The following NCKAP5 variants were observed in gnomAD, a reference collection of about 807,000 sequenced individuals.
NCKAP5 encodes the protein NCK associated protein 5.
In NCKAP5, 92 loss-of-function variants were observed where a neutral mutation model predicts 167.0. The observed-to-expected ratio is 0.55, with a 90% CI of 0.47 to 0.66. The LOEUF (loss-of-function observed/expected upper bound fraction) is 0.66. NCKAP5 is among the 30% of genes least tolerant of loss of function. NCKAP5 has a pLI of 0.00. For synonymous variants in NCKAP5, 891 were observed against 877.4 expected, an observed-to-expected ratio of 1.02 and a Z score of -0.27; for missense variants, 2,378 against 2,315.0, an observed-to-expected ratio of 1.03 and a Z score of -0.56.
At chr2:133,454,141 T>C (rs1691709450) in intron 3 of NCKAP5, among the ~76,000 whole-genome samples, 1 of 152,058 alleles carries the variant, frequency 6.6e-6, no homozygotes, top group Admixed American at 6.6e-5. Flanking sequence ...GCTTATAAGC[T>C]TTAAAATGTT....
intron 15 of NCKAP5, among the ~76,000 whole-genome samples, chr2:132,779,184 T>G (rs1302008047): frequency 6.6e-6 from 1 of 152,196 alleles, no homozygotes; most frequent in Non-Finnish European, 1.5e-5. Context: ...AAGGACCCTG[T>G]GAAAGACTGC....
Position 133,049,341 on chromosome 2 carries a change from T to G in NCKAP5, c.342-55102A>C, listed in dbSNP as rs139378768. ...CGGGTGGATCCCGAGGTCAGGAGAT[T>G]GAGAGCATCCTGGCTAACACAGTGA... On this transcript the variant is annotated intron_variant, in intron 6 of 19. Coordinates refer to ENST00000409261, the MANE Select transcript of NCKAP5 (RefSeq NM_207363.3). Among the ~76,000 whole-genome samples, 19 of 151,870 alleles carry G rather than the reference T, an allele frequency of 1.3e-4. No homozygotes were observed. In the East Asian group the frequency reaches 3.7e-3, roughly 30 times the overall value.
intron 5 of NCKAP5, among the ~76,000 whole-genome samples, chr2:133,173,118 G>A (rs1477021290): frequency 6.6e-6 from 1 of 152,160 alleles, no homozygotes; most frequent in African/African-American, 2.4e-5. Flanking sequence ...GTGAGATTAT[G>A]TTTGATCTCT....
At chr2:133,126,115 A>G (rs2082396883) in intron 6 of NCKAP5, among the ~76,000 whole-genome samples, 1 of 152,058 alleles carries the variant, frequency 6.6e-6, no homozygotes, top group African/African-American at 2.4e-5. Flanking sequence ...GCCATGGACC[A>G]CCTCTCCTGA....
At chr2:133,640,518 A>G in the NCKAP5 span, among the ~76,000 whole-genome samples, 1 of 152,234 alleles carries the variant, frequency 6.6e-6, no homozygotes, top group Non-Finnish European at 1.5e-5. Flanking sequence ...CTCCTTTTAA[A>G]TAACGAAGCA....
At chr2:133,489,928 T>C (rs1681289588) in intron 3 of NCKAP5, among the ~76,000 whole-genome samples, 1 of 152,046 alleles carries the variant, frequency 6.6e-6, no homozygotes, top group African/African-American at 2.4e-5. Context: ...TGGATCAGAT[T>C]TCACACCAGG....
At chr2:133,621,590 G>A in the NCKAP5 span, among the ~76,000 whole-genome samples, 1 of 151,976 alleles carries the variant, frequency 6.6e-6, no homozygotes, top group Non-Finnish European at 1.5e-5. Flanking sequence ...AAGAATCTCT[G>A]AACAGACCAA....
Position 132,782,733 on chromosome 2 carries a change from T to G in NCKAP5, c.4078A>C (p.Ser1360Arg), listed in dbSNP as rs780845867. ...AACTTACTTGGGCTCCCATGCTGAC[T>G]GCTGAAGCTGCCTGAGCTCCCCAGG... ...GSLGSSGSFS[S>R]QHGSPSKLPL... Residue 1360 changes from serine (S) to arginine (R), a missense_variant, in exon 14 of 20, where the codon AGT becomes CGT. This residue lies in a region of NCKAP5 where 1,325 missense variants were observed against 1,274.5 expected (regional missense o/e 1.04). Transcript: ENST00000409261. 2.5e-6 allele frequency: 4 copies of G among 1,613,990 alleles called. No individual in the cohort carries two copies. The highest frequency in any genetic ancestry group is 3.4e-6 in the Non-Finnish European group (4 of 1,179,870).
At chr2:133,534,555 A>G (rs1171307260) in intron 2 of NCKAP5, among the ~76,000 whole-genome samples, 1 of 151,990 alleles carries the variant, frequency 6.6e-6, no homozygotes, top group African/African-American at 2.4e-5. Flanking sequence ...GGATTTGTCT[A>G]CTCTGGACAC....
intron 4 of NCKAP5, among the ~76,000 whole-genome samples, chr2:133,280,015 T>TA (rs558507063): frequency 4.3e-4 from 65 of 152,344 alleles, no homozygotes; most frequent in African/African-American, 1.5e-3. Flanking sequence ...TTATTATCTG[T>TA]ATCCAGATCC....
chr2:133,292,978 A>T (rs1224231314), intron 4 of NCKAP5, among the ~76,000 whole-genome samples: 2 of 152,172 alleles, frequency 1.3e-5, no homozygotes, highest in African/African-American at 2.4e-5. Context: ...AATGTATTCC[A>T]TTACTGACTC....
chr2:133,419,049 G>A (rs1366703335), intron 3 of NCKAP5, among the ~76,000 whole-genome samples: 1 of 152,170 alleles, frequency 6.6e-6, no homozygotes, highest in African/African-American at 2.4e-5. Flanking sequence ...TGTAAAGGAG[G>A]CTGTTTAGAG....
At chr2:132,797,619 T>G (rs1684709044) in intron 11 of NCKAP5, among the ~76,000 whole-genome samples, 1 of 152,238 alleles carries the variant, frequency 6.6e-6, no homozygotes, top group Non-Finnish European at 1.5e-5. Flanking sequence ...CGTGCCTCTC[T>G]CGCTTCCGAA....
At chr2:133,084,334 T>A (rs2080910890) in intron 6 of NCKAP5, among the ~76,000 whole-genome samples, 1 of 152,132 alleles carries the variant, frequency 6.6e-6, no homozygotes, top group South Asian at 2.1e-4. Context: ...ATAGAAGTAT[T>A]CACCATGTGC....
At chr2:133,202,368 C>A (rs2085734832) in intron 5 of NCKAP5, among the ~76,000 whole-genome samples, 1 of 152,144 alleles carries the variant, frequency 6.6e-6, no homozygotes, top group African/African-American at 2.4e-5. Flanking sequence ...CTTCCTTACA[C>A]CTTATACAAA....
chr2:132,868,633 TC>T (rs1157087223), intron 10 of NCKAP5, among the ~76,000 whole-genome samples: 2 of 152,156 alleles, frequency 1.3e-5, no homozygotes, highest in Non-Finnish European at 2.9e-5. Context: ...TTGGGAGAAT[TC>T]ACCAACTTAT....
At chr2:132,830,883 T>G (rs1687474326) in intron 11 of NCKAP5, among the ~76,000 whole-genome samples, 1 of 152,152 alleles carries the variant, frequency 6.6e-6, no homozygotes, top group African/African-American at 2.4e-5. Context: ...AAAGTGGAAG[T>G]CTTTTTTACA....
At chr2:132,873,303 T>C (rs1473018980) in intron 9 of NCKAP5, among the ~76,000 whole-genome samples, 1 of 152,022 alleles carries the variant, frequency 6.6e-6, no homozygotes, top group Non-Finnish European at 1.5e-5. Context: ...TTAGTGGAGA[T>C]GGGGTTTCAC....
chr2:133,285,791 A>G (rs904653550), intron 4 of NCKAP5, among the ~76,000 whole-genome samples: 16 of 152,012 alleles, frequency 1.1e-4, no homozygotes, highest in Admixed American at 6.6e-5. Flanking sequence ...CCAGGTACAT[A>G]TTTTCTCATG....
Sources: allele counts gnomAD v4.1 joint callset (sites outside exome capture counted in the v4.1 genomes callset), GRCh38; gene constraint gnomAD v4.1.1; regional missense constraint gnomAD v4.1.1; transcripts MANE v1.5; gene names NCBI Gene and HGNC (gene_info 2026-07-23, HGNC 2026-07-21).